ADCY3: variants seen among roughly 807,000 people sequenced by gnomAD.
ADCY3 encodes the protein adenylate cyclase 3.
A neutral mutation model predicts 119.4 loss-of-function variants in ADCY3; 70 were observed. The observed-to-expected ratio is 0.59, with a 90% CI of 0.48 to 0.72. The LOEUF (loss-of-function observed/expected upper bound fraction) is 0.72. Ranked by LOEUF, ADCY3 falls within the 30% of genes least tolerant of loss-of-function variation. ADCY3 has a pLI of 0.00. For synonymous variants in ADCY3, 672 were observed against 621.4 expected (o/e 1.08, Z -1.21); for missense variants, 1,238 against 1,541.6 (o/e 0.80, Z 3.30).
chr2:24,890,880 C>CT (rs572388917), intron 2 of ADCY3, among the ~76,000 whole-genome samples: 357 of 148,816 alleles, frequency 2.4e-3, no homozygotes, highest in South Asian at 9.2e-3. Flanking sequence ...GACCTTTCTT[C>CT]TTTTTTTTTT....
In ADCY3 at chr2:24,841,603, C is replaced by G. The variant is rs1671022402; in HGVS notation, c.1021G>C (p.Val341Leu). The change falls in exon 5 of 22, where the codon GTG becomes CTG. Residue 341 changes from valine (V) to leucine (L), a missense_variant. Val to Leu is a conservative substitution (Grantham distance 32, BLOSUM62 1). Transcript: ENST00000679454. This position sits in a 1 kb window ranked among gnomAD's most constrained non-coding sequence, Gnocchi z 5.8. Reference protein sequence around the residue: ...LSSACSAQELVKLLNELFARF... With the variant: ...LSSACSAQELLKLLNELFARF... ...GCAAAGAGCTCGTTGAGCAGCTTCACAAGCTCCTGGGCACTGCAGGCAGAA... is the reference window on the plus strand; with the variant it reads ...GCAAAGAGCTCGTTGAGCAGCTTCAGAAGCTCCTGGGCACTGCAGGCAGAA... 1 of 1,613,672 alleles carries G rather than the reference C, an allele frequency of 6.2e-7. No homozygotes were observed. The highest frequency in any genetic ancestry group is 2.2e-5 in the East Asian group (1 of 44,876).
intron 3 of ADCY3, among the ~76,000 whole-genome samples, chr2:24,855,374 G>A (rs1362976906): frequency 2.0e-5 from 3 of 152,228 alleles, no homozygotes; most frequent in Non-Finnish European, 4.4e-5. Context: ...TTCAAAGAAT[G>A]TGCTGCCCTG....
At chr2:24,844,381 G>A (rs1671423000) in intron 3 of ADCY3, among the ~76,000 whole-genome samples, 1 of 152,078 alleles carries the variant, frequency 6.6e-6, no homozygotes, top group Admixed American at 6.5e-5. Context: ...GGCCTGGCTG[G>A]ATGGCTGTGG....
intron 2 of ADCY3, among the ~76,000 whole-genome samples, chr2:24,914,623 C>G (rs1333516947): frequency 6.7e-6 from 1 of 149,960 alleles, no homozygotes; most frequent in African/African-American, 2.5e-5. Flanking sequence ...TGCAGTGAGC[C>G]AAGACTGTGC....
At chr2:24,873,420 C>T (rs995812061) in intron 2 of ADCY3, among the ~76,000 whole-genome samples, 14 of 152,174 alleles carry the variant, frequency 9.2e-5, no homozygotes, top group African/African-American at 3.4e-4. Flanking sequence ...TGAGGTCTCC[C>T]CCACTGCCTG....
At chr2:24,844,552 G>A (rs866959841) in intron 3 of ADCY3, among the ~76,000 whole-genome samples, 4 of 152,268 alleles carry the variant, frequency 2.6e-5, no homozygotes, top group South Asian at 4.1e-4. Flanking sequence ...TTTGGGGCAG[G>A]AGGAGGTGAA....
chr2:24,828,912 C>T (rs1434757089), intron 13 of ADCY3, among the ~76,000 whole-genome samples: 2 of 152,330 alleles, frequency 1.3e-5, no homozygotes, highest in East Asian at 3.9e-4. Flanking sequence ...TTGTGACATG[C>T]AGGGGGCCTG....
At position 24,820,711 on chromosome 2, in the gene ADCY3, C is replaced by G; in HGVS notation, c.3252+13G>C. On this transcript the variant is annotated intron_variant, in intron 21 of 21. Transcript: ENST00000679454. The stretch of plus-strand genomic sequence containing the variant: ...CGAGTCTGAGCACGTGCCAGCTGTG[C>G]CACTGGACATACCTGAATGTTGCCC... 1 of 1,613,852 alleles carries G rather than the reference C, an allele frequency of 6.2e-7. No individual in the cohort carries two copies. The highest frequency in any genetic ancestry group is 2.2e-5 in the East Asian group (1 of 44,870).
chr2:24,904,169 G>C (rs1204312425), intron 2 of ADCY3, among the ~76,000 whole-genome samples: 5 of 152,136 alleles, frequency 3.3e-5, no homozygotes, highest in Non-Finnish European at 7.4e-5. Flanking sequence ...AAGAAAAAGA[G>C]AGAGAGAGAG....
intron 2 of ADCY3, among the ~76,000 whole-genome samples, chr2:24,906,663 C>T (rs1433694117): frequency 6.6e-6 from 1 of 152,212 alleles, no homozygotes; most frequent in Non-Finnish European, 1.5e-5. Flanking sequence ...GCTCAGATTC[C>T]CCTTCAGGAA....
Position 24,821,561 on chromosome 2 carries a change from G to GT in ADCY3, c.3082dup (p.Thr1028AsnfsTer10). The GT allele has an allele frequency of 6.2e-7, 1 of 1,614,170 alleles. No homozygotes were observed. Among genetic ancestry groups the GT allele is most frequent in the Admixed American group, 1.7e-5 (1 of 60,032 alleles). On this transcript the variant is annotated frameshift_variant, in exon 20 of 22. Coordinates refer to ENST00000679454, the MANE Select transcript of ADCY3 (RefSeq NM_004036.5). LOFTEE classifies it high-confidence loss of function. ...ATTGAAGGACTGGTTGTTGATGTTG[G>GT]TGAGCGTATCCTTCATGGCCAGCGC... is the stretch of plus-strand genomic sequence containing the variant.
At chr2:24,854,564 G>C (rs1277597242) in intron 3 of ADCY3, among the ~76,000 whole-genome samples, 2 of 152,194 alleles carry the variant, frequency 1.3e-5, no homozygotes, top group African/African-American at 4.8e-5. Context: ...ACTGGGACAA[G>C]TGGCTCGTGG....
At chr2:24,875,578 T>C (rs1056695725) in intron 2 of ADCY3, among the ~76,000 whole-genome samples, 1 of 152,158 alleles carries the variant, frequency 6.6e-6, no homozygotes, top group African/African-American at 2.4e-5. Context: ...CCTGGGAAGG[T>C]GGCAGCACCC....
intron 16 of ADCY3, among the ~76,000 whole-genome samples, chr2:24,824,980 C>T (rs1477201530): frequency 6.6e-6 from 1 of 152,204 alleles, no homozygotes; most frequent in African/African-American, 2.4e-5. Flanking sequence ...AAGTAAGACC[C>T]TGCAAAGATT....
chr2:24,905,279 A>G (rs1573043185), intron 2 of ADCY3, among the ~76,000 whole-genome samples: 1 of 151,760 alleles, frequency 6.6e-6, no homozygotes, highest in Non-Finnish European at 1.5e-5. Context: ...GACTACAGGC[A>G]CCCACCACCA....
At chr2:24,882,823 G>A (rs1340824848) in intron 2 of ADCY3, among the ~76,000 whole-genome samples, 2 of 152,172 alleles carry the variant, frequency 1.3e-5, no homozygotes, top group African/African-American at 2.4e-5. Flanking sequence ...TTGGGAGGCC[G>A]AGGCGGGTGG....
rs375898770 is a variant in ADCY3, at chr2:24,841,540, G to A, written c.1068+16C>T. 382 of 1,609,530 alleles carry A rather than the reference G, an allele frequency of 2.4e-4. 1 individual carries two copies. In the African/African-American group the frequency reaches 4.0e-3, roughly 17 times the overall value. On this transcript the variant is annotated intron_variant, in intron 5 of 21. Coordinates refer to ENST00000679454, the MANE Select transcript of ADCY3 (RefSeq NM_004036.5). The surrounding 1 kb of genome is among the most constrained non-coding windows in gnomAD (Gnocchi z 5.8). The stretch of plus-strand genomic sequence containing the variant: ...GGCAGGCCCCGCTGGAGAGCCAGGC[G>A]GGGCCAGGGACTTACAGCTGCCAGC...
At chr2:24,828,703 C>G (rs1003523117) in intron 13 of ADCY3, among the ~76,000 whole-genome samples, 1 of 152,246 alleles carries the variant, frequency 6.6e-6, no homozygotes, top group Admixed American at 6.5e-5. Flanking sequence ...AATCAACCCC[C>G]CCTTTTTGTA....
At chr2:24,887,353 T>G (rs7599796) in intron 2 of ADCY3, among the ~76,000 whole-genome samples, 1 of 151,966 alleles carries the variant, frequency 6.6e-6, no homozygotes, top group African/African-American at 2.4e-5. Context: ...GAGATTTGGG[T>G]GGGGACGCAA....
Sources: gnomAD v4.1 joint callset for allele counts (sites outside exome capture counted in the v4.1 genomes callset) on GRCh38, gnomAD v4.1.1 for gene constraint, Gnocchi (gnomAD v3.1) non-coding constraint, MANE v1.5 for transcripts, NCBI Gene and HGNC (gene_info 2026-07-23, HGNC 2026-07-21) for gene names.